Variants in CCDC30 observed in about 807,000 individuals in gnomAD.
CCDC30 encodes the protein coiled-coil domain containing 30.
Under a neutral mutation model 100.2 loss-of-function variants are expected in CCDC30, and 70 were observed. The ratio of observed to expected loss-of-function variants is 0.70; its 90% CI spans 0.58 to 0.85. The LOEUF (loss-of-function observed/expected upper bound fraction) is 0.85. CCDC30 is among the 40% of genes least tolerant of loss of function. CCDC30 has a pLI of 0.00. For missense variants in CCDC30, 652 were observed against 771.2 expected (o/e 0.85, Z 1.83); for synonymous variants, 233 against 269.5 (o/e 0.86, Z 1.33).
intron 7 of CCDC30, among the ~76,000 whole-genome samples, chr1:42,567,895 G>C (rs1280216624): frequency 6.6e-6 from 1 of 151,966 alleles, no homozygotes; most frequent in African/African-American, 2.4e-5. Flanking sequence ...TTGGTAACAA[G>C]AGAAGATTTT....
chr1:42,541,069 T>C (rs1160510676), intron 6 of CCDC30, among the ~76,000 whole-genome samples: 1 of 152,208 alleles, frequency 6.6e-6, no homozygotes, highest in African/African-American at 2.4e-5. Flanking sequence ...TATAACATAA[T>C]ACAATAGACT....
intron 6 of CCDC30, among the ~76,000 whole-genome samples, chr1:42,510,771 G>T (rs115454003): frequency 6.6e-6 from 1 of 151,990 alleles, no homozygotes; most frequent in Non-Finnish European, 1.5e-5. Flanking sequence ...ACTTGAGGGG[G>T]GCCCCAAATA....
At chr1:42,640,755 G>A (rs2148682855) in intron 12 of CCDC30, among the ~76,000 whole-genome samples, 1 of 151,976 alleles carries the variant, frequency 6.6e-6, no homozygotes, top group South Asian at 2.1e-4. Flanking sequence ...TTAGCTGGGT[G>A]CGGTGGTGGG....
rs146154359 is a variant in CCDC30 at position 42,543,968 on chromosome 1, G to A, written c.457-22328G>A. Among the ~76,000 whole-genome samples the A allele has an allele frequency of 1.1e-3, 169 of 152,308 alleles. 2 individuals are homozygous for A. Among genetic ancestry groups the A allele is most frequent in the African/African-American group, 3.8e-3 (158 of 41,570 alleles). ...AGCTTTGCATTTTCAGACAGGCTCA[G>A]GATATGAATCAGGCAGGCTATTGTC... is the stretch of plus-strand genomic sequence containing the variant. On this transcript the variant is annotated intron_variant, in intron 6 of 16. Coordinates refer to ENST00000668663, the Ensembl canonical transcript of CCDC30.
intron 12 of CCDC30, among the ~76,000 whole-genome samples, chr1:42,641,725 G>A (rs1647412547): frequency 6.6e-6 from 1 of 151,922 alleles, no homozygotes; most frequent in South Asian, 2.1e-4. Flanking sequence ...AAATTAGCTG[G>A]GTATGGTAGT....
chr1:42,499,592 C>T (rs972388474), intron 6 of CCDC30, among the ~76,000 whole-genome samples: 17 of 152,098 alleles, frequency 1.1e-4, no homozygotes, highest in Non-Finnish European at 5.9e-5. Context: ...CCTCCTGCTC[C>T]AGCCTCTCAA....
At chr1:42,641,143 A>T (rs1370325038) in intron 12 of CCDC30, among the ~76,000 whole-genome samples, 2 of 151,202 alleles carry the variant, frequency 1.3e-5, no homozygotes, top group Non-Finnish European at 2.9e-5. Flanking sequence ...ACAGAGTCTC[A>T]TTCTGTCACC....
At chr1:42,627,568 C>T (rs896170363) in intron 11 of CCDC30, among the ~76,000 whole-genome samples, 4 of 152,072 alleles carry the variant, frequency 2.6e-5, no homozygotes, top group Non-Finnish European at 5.9e-5. Flanking sequence ...GCACAGAGGC[C>T]CAGGAGGAAA....
At chr1:42,465,746 G>A (rs1557784319) in intron 1 of CCDC30, among the ~76,000 whole-genome samples, 2 of 152,164 alleles carry the variant, frequency 1.3e-5, no homozygotes. Context: ...AGCATTTTTA[G>A]TTGTCACAAC....
intron 11 of CCDC30, among the ~76,000 whole-genome samples, chr1:42,622,084 TC>T (rs2148658828): frequency 6.6e-6 from 1 of 152,288 alleles, no homozygotes; most frequent in East Asian, 1.9e-4. Context: ...TCCCCCAATT[TC>T]CCCACTACTC....
Position 42,637,359 on chromosome 1 carries a change from T to C in CCDC30, c.1400T>C (p.Leu467Pro). The stretch of plus-strand genomic sequence containing the variant: ...CAATTTGAAGATGAAATTGGAATCC[T>C]GCAACATAAAATAGAAAAGGTGAGG... Residue 467 changes from leucine (L) to proline (P), a missense_variant, in exon 12 of 17, where the codon CTG becomes CCG. Coordinates refer to ENST00000668663, the Ensembl canonical transcript of CCDC30. 2 of 1,604,726 alleles carry C rather than the reference T, an allele frequency of 1.2e-6. 1 individual carries two copies. Among genetic ancestry groups the C allele is most frequent in the South Asian group, 2.3e-5 (2 of 88,636 alleles).
chr1:42,636,330 C>T (rs1647154935), intron 11 of CCDC30, among the ~76,000 whole-genome samples: 2 of 151,948 alleles, frequency 1.3e-5, no homozygotes, highest in Admixed American at 1.3e-4. Flanking sequence ...TGCTTGAGCT[C>T]AGGAGGTCGA....
chr1:42,491,678 A>G, intron 4 of CCDC30: 1 of 175,842 alleles, frequency 5.7e-6, no homozygotes, highest in Non-Finnish European at 1.2e-5. Flanking sequence ...CCATGACATG[A>G]TTATTACGCA....
intron 6 of CCDC30, among the ~76,000 whole-genome samples, chr1:42,515,404 T>A (rs1435241363): frequency 1.3e-5 from 2 of 152,222 alleles, no homozygotes; most frequent in Non-Finnish European, 2.9e-5. Flanking sequence ...GTAACTAGAA[T>A]GCAACAGTAT....
chr1:42,548,707 A>G (rs955599065), intron 6 of CCDC30, among the ~76,000 whole-genome samples: 4 of 152,144 alleles, frequency 2.6e-5, no homozygotes, highest in African/African-American at 9.7e-5. Flanking sequence ...ATTGGAGAGA[A>G]GGAGATGGAA....
rs369781327 is a variant in CCDC30, at chr1:42,566,346, A to G, written c.507A>G (p.Gln169=). The G allele has an allele frequency of 3.1e-5, 50 of 1,613,838 alleles. No individual in the cohort carries two copies. In the African/African-American group the frequency reaches 5.5e-4, roughly 18 times the overall value. The change falls in exon 7 of 17, where the codon CAA becomes CAG. Residue 169 remains glutamine, a synonymous_variant. Coordinates refer to ENST00000668663, the Ensembl canonical transcript of CCDC30. ...AATACAACCAGCAAGGGGAAGTACA[A>G]CAACTTCACCAGAATTTGCACCGGC... is the stretch of plus-strand genomic sequence containing the variant.
chr1:42,552,659 C>A (rs1570030332), intron 6 of CCDC30, among the ~76,000 whole-genome samples: 2 of 152,216 alleles, frequency 1.3e-5, no homozygotes, highest in Admixed American at 1.3e-4. Flanking sequence ...CTTATTACAG[C>A]TGGTGAGGAT....
chr1:42,529,990 T>G (rs549953931), intron 6 of CCDC30, among the ~76,000 whole-genome samples: 17 of 152,224 alleles, frequency 1.1e-4, no homozygotes, highest in Non-Finnish European at 1.8e-4. Flanking sequence ...TCTTACACTG[T>G]CCTGCTGGGA....
At chr1:42,520,908 A>G (rs1004717817) in intron 6 of CCDC30, among the ~76,000 whole-genome samples, 3 of 150,334 alleles carry the variant, frequency 2.0e-5, no homozygotes, top group Non-Finnish European at 4.4e-5. Flanking sequence ...CAGCCTCCCA[A>G]AGTGCTGGGA....
Sources: gnomAD v4.1 joint callset for allele counts (sites outside exome capture counted in the v4.1 genomes callset) on GRCh38, gnomAD v4.1.1 for gene constraint, MANE v1.5 for transcripts, NCBI Gene and HGNC (gene_info 2026-07-23, HGNC 2026-07-21) for gene names.